The following RBKS variants were observed in gnomAD, a reference collection of about 807,000 sequenced individuals.
RBKS encodes the protein ribokinase.
In RBKS, 33 loss-of-function variants were observed where a neutral mutation model predicts 33.9. The ratio of observed to expected loss-of-function variants is 0.97; its 90% CI spans 0.74 to 1.30. RBKS has a LOEUF of 1.30. Ranked by LOEUF, RBKS falls within the 50% of genes most tolerant of loss-of-function variation. RBKS has a pLI of 0.00. For synonymous variants in RBKS, 125 were observed against 143.0 expected (o/e 0.87, Z 0.90); for missense variants, 361 against 392.6 (o/e 0.92, Z 0.68).
intron 7 of RBKS, among the ~76,000 whole-genome samples, chr2:27,813,047 A>G (rs1477213067): frequency 6.6e-6 from 1 of 152,094 alleles, no homozygotes; most frequent in Non-Finnish European, 1.5e-5. Flanking sequence ...ATTAAAAAAA[A>G]AAAAAGAAAT....
intron 7 of RBKS, among the ~76,000 whole-genome samples, chr2:27,801,959 A>AT (rs1178556801): frequency 1.1e-3 from 69 of 63,322 alleles, no homozygotes; most frequent in Non-Finnish European, 1.5e-3. Flanking sequence ...GGAAAAAAAA[A>AT]AAAAATATAT....
chr2:27,879,184 C>T (rs1235433902), intron 1 of RBKS, among the ~76,000 whole-genome samples: 4 of 152,136 alleles, frequency 2.6e-5, no homozygotes, highest in Non-Finnish European at 5.9e-5. Context: ...GGCATCTCTT[C>T]TAGGAAGTTT....
chr2:27,868,128 C>T (rs77332819), intron 1 of RBKS, among the ~76,000 whole-genome samples: 1 of 152,084 alleles, frequency 6.6e-6, no homozygotes, highest in East Asian at 1.9e-4. Flanking sequence ...TTGCCATCTG[C>T]TGGTGTAGTT....
intron 7 of RBKS, among the ~76,000 whole-genome samples, chr2:27,793,517 C>T (rs1308656493): frequency 6.6e-6 from 1 of 152,156 alleles, no homozygotes; most frequent in Non-Finnish European, 1.5e-5. Context: ...GTATTCCTGC[C>T]TCAAATGCGT....
chr2:27,785,546 C>T (rs1023012741), intron 7 of RBKS, among the ~76,000 whole-genome samples: 2 of 151,762 alleles, frequency 1.3e-5, no homozygotes, highest in Admixed American at 6.6e-5. Context: ...AGGTGGATCA[C>T]GAGGTCAGGA....
intron 7 of RBKS, among the ~76,000 whole-genome samples, chr2:27,786,691 G>T (rs572187527): frequency 6.6e-6 from 1 of 151,118 alleles, no homozygotes; most frequent in South Asian, 2.1e-4. Context: ...CTGAGGCAGA[G>T]AACTGCTTGA....
intron 7 of RBKS, among the ~76,000 whole-genome samples, chr2:27,826,317 C>A (rs1269434933): frequency 6.6e-6 from 1 of 152,040 alleles, no homozygotes; most frequent in Admixed American, 6.6e-5. Flanking sequence ...GAATAATTAT[C>A]TGTTTCTTCT....
intron 5 of RBKS, among the ~76,000 whole-genome samples, chr2:27,834,358 G>A (rs886156672): frequency 1.2e-4 from 19 of 152,112 alleles, no homozygotes; most frequent in South Asian, 2.1e-4. Flanking sequence ...TATATTTTTG[G>A]CTGCTCAGAT....
intron 1 of RBKS, among the ~76,000 whole-genome samples, chr2:27,864,098 C>A (rs374302068): frequency 6.6e-6 from 1 of 152,118 alleles, no homozygotes; most frequent in African/African-American, 2.4e-5. Flanking sequence ...ACAACCACAG[C>A]TCACTGTAAC....
At position 27,842,410 on chromosome 2, in the gene RBKS, C is replaced by T. The variant is rs182072330; in HGVS notation, c.514+657G>A. Among the ~76,000 whole-genome samples, 10 of 152,122 alleles carry T rather than the reference C, an allele frequency of 6.6e-5. No homozygotes were observed. In the East Asian group the frequency reaches 1.7e-3, roughly 26 times the overall value. The stretch of plus-strand genomic sequence containing the variant: ...AGGCAATGTCAATGGACATTGATAA[C>T]ATAGAAAATATTACATATAAATAAT... On this transcript the variant is annotated intron_variant, in intron 5 of 7. Coordinates refer to ENST00000302188, the MANE Select transcript of RBKS (RefSeq NM_022128.3).
chr2:27,838,813 C>A (rs1573056906), intron 5 of RBKS, among the ~76,000 whole-genome samples: 1 of 152,286 alleles, frequency 6.6e-6, no homozygotes, highest in Admixed American at 6.5e-5. Context: ...TAGCACCCAA[C>A]AGTAATTATT....
chr2:27,845,027 G>C (rs1199773433), intron 4 of RBKS, among the ~76,000 whole-genome samples: 1 of 152,182 alleles, frequency 6.6e-6, no homozygotes, highest in Non-Finnish European at 1.5e-5. Flanking sequence ...TAATAAAGTG[G>C]GGATGGTTCA....
Position 27,837,398 on chromosome 2 carries a change from T to C in RBKS, c.515-4621A>G, listed in dbSNP as rs916716832. Among the ~76,000 whole-genome samples the C allele has an allele frequency of 4.6e-5, 7 of 152,352 alleles. No individual in the cohort carries two copies. Among genetic ancestry groups the C allele is most frequent in the Admixed American group, 3.9e-4 (6 of 15,312 alleles). Reference sequence around the variant, plus strand: ...GCAGGAATGTAACTTAGTTCAGTCATGTAGAAAGCAGTTTGGAGATTGATT... The same window carrying C: ...GCAGGAATGTAACTTAGTTCAGTCACGTAGAAAGCAGTTTGGAGATTGATT... On this transcript the variant is annotated intron_variant, in intron 5 of 7. Transcript: ENST00000302188. This position sits in a 1 kb window ranked among gnomAD's most constrained non-coding sequence, Gnocchi z 4.0.
At chr2:27,875,477 T>G (rs905221363) in intron 1 of RBKS, among the ~76,000 whole-genome samples, 1 of 152,158 alleles carries the variant, frequency 6.6e-6, no homozygotes, top group African/African-American at 2.4e-5. Flanking sequence ...TGATTGAGCC[T>G]GGAAGGTCAA....
rs1476427430 is a variant in RBKS at position 27,810,052 on chromosome 2, AAATG to A, written c.795+17511_795+17514del. 1.5e-6 allele frequency: 2 copies of A among 1,304,188 alleles called. No homozygotes were observed. Among genetic ancestry groups the A allele is most frequent in the South Asian group, 2.5e-5 (2 of 81,002 alleles). The allele number at this position is 1,304,188 out of a possible 1,614,324, so 80.8% of individuals were successfully genotyped here. On this transcript the variant is annotated intron_variant, in intron 7 of 7. Transcript: ENST00000302188. This position sits in a 1 kb window ranked among gnomAD's most constrained non-coding sequence, Gnocchi z 4.4. Reference sequence around the variant, plus strand: ...GTCTTGAGCCAGGTCTACACTGTGAAAATGAAGGAAGGAACTGAGCAATTGTTCT... The same window carrying A: ...GTCTTGAGCCAGGTCTACACTGTGAAAAGGAAGGAACTGAGCAATTGTTCT...
intron 7 of RBKS, among the ~76,000 whole-genome samples, chr2:27,799,621 T>C (rs1220697917): frequency 2.0e-5 from 3 of 152,166 alleles, no homozygotes; most frequent in African/African-American, 7.2e-5. Flanking sequence ...TAAAAAAGAA[T>C]ATTGCCAGGG....
intron 7 of RBKS, among the ~76,000 whole-genome samples, chr2:27,784,036 T>A (rs555561348): frequency 6.7e-4 from 59 of 88,322 alleles, no homozygotes; most frequent in South Asian, 1.1e-3. Flanking sequence ...CAGGCTGGAG[T>A]GCAGTGGCGG....
chr2:27,840,364 G>GTGCA (rs1553378252), intron 5 of RBKS, among the ~76,000 whole-genome samples: 1 of 130,076 alleles, frequency 7.7e-6, no homozygotes, highest in Non-Finnish European at 1.6e-5. Flanking sequence ...ACGCGCGCGC[G>GTGCA]CACACACACA....
chr2:27,885,653 T>C (rs1487965803), intron 1 of RBKS, among the ~76,000 whole-genome samples: 2 of 152,194 alleles, frequency 1.3e-5, no homozygotes, highest in East Asian at 1.9e-4. Context: ...GCCAGTAATC[T>C]AAACTTCCTA....
Sources: allele counts gnomAD v4.1 joint callset (sites outside exome capture counted in the v4.1 genomes callset), GRCh38; gene constraint gnomAD v4.1.1; non-coding constraint Gnocchi (gnomAD v3.1); transcripts MANE v1.5; gene names NCBI Gene and HGNC (gene_info 2026-07-23, HGNC 2026-07-21).